The following PCDHA4 variants were observed in gnomAD, a reference collection of about 807,000 sequenced individuals.
PCDHA4 encodes the protein protocadherin alpha-4.
A neutral mutation model predicts 61.4 loss-of-function variants in PCDHA4; 49 were observed. The ratio of observed to expected loss-of-function variants is 0.80; its 90% confidence interval spans 0.63 to 1.01. The LOEUF (loss-of-function observed/expected upper bound fraction) is 1.01. PCDHA4 is among the 50% of genes least tolerant of loss of function. The pLI is 0.00. For missense variants in PCDHA4, 1,254 were observed against 1,235.8 expected (o/e 1.01, Z -0.22); for synonymous variants, 590 against 550.3 (o/e 1.07, Z -1.01).
intron 1 of PCDHA4, chr5:140,967,709 G>A (rs1554229820): frequency 3.1e-6 from 5 of 1,614,022 alleles, no homozygotes; most frequent in Admixed American, 3.3e-5. Flanking sequence ...TGCCAGTACC[G>A]GGGAAGTGCG....
chr5:140,913,463 G>C (rs1230048611), intron 1 of PCDHA4, among the ~76,000 whole-genome samples: 4 of 151,500 alleles, frequency 2.6e-5, no homozygotes, highest in African/African-American at 2.4e-5. Flanking sequence ...TATTTACTTG[G>C]GTCTTCTCTC....
intron 1 of PCDHA4, among the ~76,000 whole-genome samples, chr5:140,923,301 G>C (rs1554201374): frequency 6.6e-6 from 1 of 152,206 alleles, no homozygotes; most frequent in African/African-American, 2.4e-5. Context: ...AGCTGGGCGT[G>C]GGGGCGCTTG....
At chr5:141,005,701 C>CA (rs59860837) in intron 3 of PCDHA4, among the ~76,000 whole-genome samples, 506 of 7,758 alleles carry the variant, frequency 0.065, 109 homozygotes, top group Non-Finnish European at 0.076. Context: ...AACTCCGTCT[C>CA]AAAAAAAAAA....
At chr5:140,822,179 A>G (rs1767221241) in intron 1 of PCDHA4, 1 of 1,614,222 alleles carries the variant, frequency 6.2e-7, no homozygotes, top group Non-Finnish European at 8.5e-7. Flanking sequence ...TTCTCCAGAC[A>G]AGAACAAAGA....
intron 1 of PCDHA4, among the ~76,000 whole-genome samples, chr5:140,956,442 T>A (rs557521776): frequency 2.6e-5 from 4 of 152,362 alleles, no homozygotes; most frequent in African/African-American, 9.6e-5. Flanking sequence ...GCTTATGTGA[T>A]GAATTACATT....
chr5:140,891,569 CAT>C (rs59481749), intron 1 of PCDHA4, among the ~76,000 whole-genome samples: 3,590 of 152,218 alleles, frequency 0.024, 138 homozygotes, highest in African/African-American at 0.082. Flanking sequence ...TCTAATTAAA[CAT>C]ATTTTAATCT....
intron 1 of PCDHA4, chr5:140,876,084 A>G: frequency 6.2e-7 from 1 of 1,613,962 alleles, no homozygotes; most frequent in Non-Finnish European, 8.5e-7. Context: ...ACAGAGAGCA[A>G]ACGCCAAAAC....
intron 1 of PCDHA4, among the ~76,000 whole-genome samples, chr5:140,906,909 G>A (rs1477484139): frequency 1.3e-5 from 2 of 152,174 alleles, no homozygotes; most frequent in Admixed American, 6.5e-5. Flanking sequence ...TTAAAGGTAG[G>A]AGGAGCCCAA....
At chr5:141,001,388 TAC>T (rs1234412755) in intron 3 of PCDHA4, among the ~76,000 whole-genome samples, 4 of 152,238 alleles carry the variant, frequency 2.6e-5, no homozygotes, top group Non-Finnish European at 5.9e-5. Flanking sequence ...CCTAAGATCC[TAC>T]AGAGAACAGG....
chr5:140,974,720 C>T (rs1554236283), intron 1 of PCDHA4, among the ~76,000 whole-genome samples: 1 of 152,070 alleles, frequency 6.6e-6, no homozygotes, highest in African/African-American at 2.4e-5. Context: ...AAGCTGCTCT[C>T]GAACTCCTGT....
At chr5:140,967,792 A>C (rs371669028) in intron 1 of PCDHA4, 5 of 1,614,212 alleles carry the variant, frequency 3.1e-6, no homozygotes, top group Non-Finnish European at 4.2e-6. Flanking sequence ...ACCGGGGTCC[A>C]GTGCCCATGG....
At chr5:140,891,358 G>A (rs1002422244) in intron 1 of PCDHA4, among the ~76,000 whole-genome samples, 1 of 152,044 alleles carries the variant, frequency 6.6e-6, no homozygotes. Flanking sequence ...TCCATCACCT[G>A]AGCAGTATAC....
At chr5:140,871,432 C>T (rs782382962) in intron 1 of PCDHA4, 1 of 1,612,926 alleles carries the variant, frequency 6.2e-7, no homozygotes, top group Non-Finnish European at 8.5e-7. Flanking sequence ...CAGTCTTCCT[C>T]TAGGTCTGAA....
intron 1 of PCDHA4, among the ~76,000 whole-genome samples, chr5:140,921,809 C>CA (rs1184598188): frequency 6.6e-6 from 1 of 151,940 alleles, no homozygotes; most frequent in Non-Finnish European, 1.5e-5. Context: ...AGATAAGATA[C>CA]ATGTGTGAAT....
intron 3 of PCDHA4, among the ~76,000 whole-genome samples, chr5:141,006,247 T>C (rs1554260651): frequency 2.0e-5 from 3 of 152,126 alleles, no homozygotes; most frequent in Non-Finnish European, 2.9e-5. Context: ...AGTCTTGCTC[T>C]GTTGCCCAGG....
intron 1 of PCDHA4, chr5:140,830,024 C>T (rs2150179853): frequency 6.2e-7 from 1 of 1,613,946 alleles, no homozygotes; most frequent in Admixed American, 1.7e-5. Context: ...CTCTCCGCGC[C>T]ACCGGCTGCT....
chr5:140,827,196 A>C (rs2150146637), intron 1 of PCDHA4, among the ~76,000 whole-genome samples: 11 of 152,334 alleles, frequency 7.2e-5, no homozygotes, highest in Non-Finnish European at 1.3e-4. Context: ...AAAACTTGGA[A>C]GTGAGTGAGA....
intron 1 of PCDHA4, chr5:140,823,482 G>C: frequency 6.2e-7 from 1 of 1,613,424 alleles, no homozygotes; most frequent in Non-Finnish European, 8.5e-7. Context: ...TGCCTCGAGT[G>C]GGTGGCACCG....
At chr5:140,873,590 A>C (rs1188968124) in intron 1 of PCDHA4, among the ~76,000 whole-genome samples, 2 of 152,202 alleles carry the variant, frequency 1.3e-5, no homozygotes, top group Non-Finnish European at 2.9e-5. Flanking sequence ...ATTAAGCTAA[A>C]CTTAGATGTT....
Sources: allele counts gnomAD v4.1 joint callset (sites outside exome capture counted in the v4.1 genomes callset), GRCh38; gene constraint gnomAD v4.1.1; transcripts MANE v1.5; gene names NCBI Gene and HGNC (gene_info 2026-07-23, HGNC 2026-07-21).